Variants in BOC observed in about 807,000 individuals in gnomAD.
BOC encodes the protein BOC cell adhesion associated, oncogene regulated.
In BOC, 76 loss-of-function variants were observed where a neutral mutation model predicts 112.0. That is an observed-to-expected ratio of 0.68 (90% CI 0.56 to 0.82). The LOEUF (loss-of-function observed/expected upper bound fraction) is 0.82. Ranked by LOEUF, BOC falls within the 40% of genes least tolerant of loss-of-function variation. The pLI, the probability that BOC is intolerant of heterozygous loss-of-function variation, is 0.00. For missense variants in BOC, 1,309 were observed against 1,511.7 expected, an observed-to-expected ratio of 0.87 and a Z score of 2.22; for synonymous variants, 580 against 599.8, an observed-to-expected ratio of 0.97 and a Z score of 0.48.
At chr3:113,259,301 C>T (rs911522406) in intron 4 of BOC, among the ~76,000 whole-genome samples, 1 of 152,182 alleles carries the variant, frequency 6.6e-6, no homozygotes, top group Admixed American at 6.5e-5. Flanking sequence ...TGCTTAAATA[C>T]AATACTGGGT....
intron 5 of BOC, chr3:113,269,373 G>A (rs1386426894): frequency 1.3e-5 from 2 of 152,040 alleles, no homozygotes; most frequent in East Asian, 3.9e-4. Context: ...TTTCACAACT[G>A]ACCCCATACT....
intron 2 of BOC, among the ~76,000 whole-genome samples, chr3:113,241,419 C>A (rs952080599): frequency 1.3e-5 from 2 of 152,064 alleles, no homozygotes; most frequent in African/African-American, 4.8e-5. Flanking sequence ...GCAGCCCTCT[C>A]CCCCTCTGCT....
chr3:113,257,152 A>C (rs915541137), intron 4 of BOC, among the ~76,000 whole-genome samples: 2 of 152,242 alleles, frequency 1.3e-5, no homozygotes, highest in Admixed American at 1.3e-4. Flanking sequence ...TGAAGAAATT[A>C]GATTCTCCCT....
intron 4 of BOC, among the ~76,000 whole-genome samples, chr3:113,256,193 G>A (rs1005227469): frequency 3.9e-5 from 6 of 152,216 alleles, no homozygotes; most frequent in Non-Finnish European, 7.3e-5. Context: ...GTCCAGCCCT[G>A]TACTGCCCAG....
At position 113,244,582 on chromosome 3, in the gene BOC, T is replaced by A. The variant is rs538283913; in HGVS notation, c.-81-5140T>A. ...AGTTAAATTTAAAGAAAATTAAAAC[T>A]TCAGTGTCTTAGTCACATTAGCCAC... On this transcript the variant is annotated intron_variant, in intron 2 of 19. Coordinates refer to ENST00000682979, the MANE Select transcript of BOC (RefSeq NM_001378074.1). Among the ~76,000 whole-genome samples, 99 of 152,352 alleles carry A rather than the reference T, an allele frequency of 6.5e-4. 1 individual carries two copies. In the Middle Eastern group the frequency reaches 0.014, roughly 21 times the overall value.
intron 5 of BOC, among the ~76,000 whole-genome samples, chr3:113,268,757 C>T (rs1045492024): frequency 6.6e-6 from 1 of 152,208 alleles, no homozygotes; most frequent in Non-Finnish European, 1.5e-5. Flanking sequence ...CAGGCACACG[C>T]CACCATGCTT....
At chr3:113,240,187 A>T (rs1175889094) in intron 2 of BOC, among the ~76,000 whole-genome samples, 1 of 152,210 alleles carries the variant, frequency 6.6e-6, no homozygotes. Flanking sequence ...GAAACTAGAG[A>T]TTGATGATGC....
intron 2 of BOC, among the ~76,000 whole-genome samples, chr3:113,246,210 G>A (rs982736107): frequency 3.9e-5 from 6 of 152,074 alleles, no homozygotes; most frequent in African/African-American, 1.4e-4. Context: ...CTTTTTTTGT[G>A]TGTGTCCAAA....
At chr3:113,279,751 G>T (rs1949013913) in intron 12 of BOC, 73 bp from the exon 13 acceptor site, 2 of 1,480,276 alleles carry the variant, frequency 1.4e-6, no homozygotes, top group Non-Finnish European at 1.8e-6. Flanking sequence ...CCAGGTCCTG[G>T]GCCTTGAAAG....
chr3:113,236,228 A>ATGTGTGTGTGTGTGTG (rs765387902), intron 2 of BOC, among the ~76,000 whole-genome samples: 1 of 77,992 alleles, frequency 1.3e-5, no homozygotes, highest in African/African-American at 5.0e-5. Flanking sequence ...ATATACGTAT[A>ATGTGTGTGTGTGTGTG]TGTGTGTGTG....
intron 2 of BOC, among the ~76,000 whole-genome samples, chr3:113,228,292 C>G (rs1248156088): frequency 1.3e-5 from 2 of 150,108 alleles, no homozygotes; most frequent in African/African-American, 4.9e-5. Flanking sequence ...GAGGTGGGGC[C>G]CATTATTCGA....
chr3:113,270,666 G>T (rs1389493925), intron 5 of BOC, 135 bp from the exon 6 acceptor site: 43 of 960,186 alleles, frequency 4.5e-5, no homozygotes, highest in Non-Finnish European at 6.3e-5. Context: ...TGTCTTGTGG[G>T]GACTCAGGTG....
At chr3:113,228,767 G>A (rs1942101653) in intron 2 of BOC, among the ~76,000 whole-genome samples, 1 of 152,146 alleles carries the variant, frequency 6.6e-6, no homozygotes, top group Non-Finnish European at 1.5e-5. Context: ...ATAGGGTGTT[G>A]TAGGGACAGG....
In BOC at chr3:113,286,847, A is replaced by G. The variant is rs1241739980; in HGVS notation, c.3333A>G (p.Pro1111=). Residue 1111 remains proline (P), a synonymous_variant, in exon 20 of 20, where the codon CCA becomes CCG. Transcript: ENST00000682979. ...GPLVRVSFET[P]PLTI is the part of the protein sequence containing the mutation. The stretch of plus-strand genomic sequence containing the variant: ...TGGTGCGTGTGTCTTTTGAAACACC[A>G]CCTCTCACAATTTAGGCAGAAGCTG... 6.3e-6 allele frequency: 10 copies of G among 1,584,818 alleles called. No individual in the cohort carries two copies. Among genetic ancestry groups the G allele is most frequent in the Non-Finnish European group, 8.6e-6 (10 of 1,169,294 alleles).
chr3:113,219,782 G>C (rs934969392), intron 2 of BOC, among the ~76,000 whole-genome samples: 1 of 152,202 alleles, frequency 6.6e-6, no homozygotes, highest in Admixed American at 6.5e-5. Context: ...TTGTGGCTTG[G>C]CTGGTGTCAG....
rs550813706 is a variant in BOC at position 113,272,463 on chromosome 3, A to T, written c.721A>T (p.Ile241Phe). The change falls in exon 7 of 20, where the codon ATC (isoleucine) becomes TTC (phenylalanine). Residue 241 changes from isoleucine (I) to phenylalanine (F), a missense_variant. By Grantham distance (21) the Ile-to-Phe change is conservative. Transcript: ENST00000682979. ...CTACCCCCCAGAGGCCCAAACCATC[A>T]TCGTCACCAAAGGCCAGAGTCTCAT... ...IIYPPEAQTI[I>F]VTKGQSLILE... The T allele has an allele frequency of 1.2e-6, 2 of 1,613,986 alleles. No individual in the cohort carries two copies. The highest frequency in any genetic ancestry group is 1.7e-5 in the Admixed American group (1 of 60,016).
chr3:113,284,902 A>G, intron 18 of BOC, 44 bp downstream of exon 18: 1 of 1,568,148 alleles, frequency 6.4e-7, no homozygotes, highest in Non-Finnish European at 8.8e-7. Context: ...CCACAGCCTC[A>G]CTTTCCCTTT....
intron 2 of BOC, among the ~76,000 whole-genome samples, chr3:113,248,238 G>A (rs75683020): frequency 0.026 from 3,967 of 152,274 alleles, 60 homozygotes; most frequent in Middle Eastern, 0.065. Context: ...AGGTTAATCC[G>A]AAGCACTTCC....
At chr3:113,281,000 C>A in intron 14 of BOC, 31 bp from the exon 15 acceptor site, 1 of 1,611,966 alleles carries the variant, frequency 6.2e-7, no homozygotes, top group Non-Finnish European at 8.5e-7. Context: ...ATACACATTG[C>A]CATGCACCAT....
Sources: gnomAD v4.1 joint callset for allele counts (sites outside exome capture counted in the v4.1 genomes callset) on GRCh38, gnomAD v4.1.1 for gene constraint, MANE v1.5 for transcripts, NCBI Gene and HGNC (gene_info 2026-07-23, HGNC 2026-07-21) for gene names.